The following PAMR1 variants were observed in gnomAD, a reference collection of about 807,000 sequenced individuals.
PAMR1 encodes the protein inactive serine protease PAMR1.
Under a neutral mutation model 81.8 loss-of-function variants are expected in PAMR1, and 88 were observed. That is an observed-to-expected ratio of 1.08 (90% confidence interval 0.91 to 1.28). The LOEUF is 1.28. Among genes scored for constraint, PAMR1 ranks in the 50% most tolerant of loss-of-function variants. PAMR1 has a pLI of 0.00. For synonymous variants in PAMR1, 336 were observed against 345.3 expected, an observed-to-expected ratio of 0.97 and a Z score of 0.30; for missense variants, 935 against 919.7, an observed-to-expected ratio of 1.02 and a Z score of -0.21.
chr11:35,440,543 C>T (rs780277203), intron 7 of PAMR1, among the ~76,000 whole-genome samples: 3 of 152,072 alleles, frequency 2.0e-5, no homozygotes, highest in East Asian at 1.9e-4. Context: ...GACAATTATC[C>T]GGATAATCTA....
chr11:35,445,124 T>C (rs939108681), intron 6 of PAMR1, among the ~76,000 whole-genome samples: 4 of 152,230 alleles, frequency 2.6e-5, no homozygotes, highest in Non-Finnish European at 5.9e-5. Context: ...AGTTCATTCA[T>C]GATTTGACTC....
intron 3 of PAMR1, among the ~76,000 whole-genome samples, chr11:35,477,497 T>C (rs977763745): frequency 6.6e-6 from 1 of 152,226 alleles, no homozygotes; most frequent in Admixed American, 6.5e-5. Context: ...GACTGCAGAA[T>C]CTGACTGCCC....
Position 35,432,692 on chromosome 11 carries a change from G to T in PAMR1, c.1827C>A (p.Ser609Arg). Reference sequence around the variant, plus strand: ...GCAGTGTGTCGTTCTTGAAGCCAGGGCTCCTCACGTCTGCCAGGACATTCC... The same window carrying T: ...GCAGTGTGTCGTTCTTGAAGCCAGGTCTCCTCACGTCTGCCAGGACATTCC... ...AGWNVLADVR[S>R]PGFKNDTLRS... The change falls in exon 11 of 11, where the codon AGC (serine) becomes AGA (arginine). Residue 609 changes from serine to arginine, a missense_variant. Physicochemically the swap from Ser to Arg is moderately radical, Grantham distance 110. Coordinates refer to ENST00000619888, the MANE Select transcript of PAMR1 (RefSeq NM_001001991.3). 6.2e-7 allele frequency: 1 copy of T among 1,613,478 alleles called. No homozygotes were observed. The highest frequency in any genetic ancestry group is 8.5e-7 in the Non-Finnish European group (1 of 1,179,448).
chr11:35,452,979 G>A (rs908890033), intron 6 of PAMR1, among the ~76,000 whole-genome samples: 3 of 152,330 alleles, frequency 2.0e-5, no homozygotes, highest in East Asian at 1.9e-4. Flanking sequence ...CAGAGCAAGC[G>A]TATAGTAGGT....
chr11:35,456,854 TACAC>T (rs1856543724), intron 6 of PAMR1, among the ~76,000 whole-genome samples: 2 of 152,192 alleles, frequency 1.3e-5, no homozygotes, highest in Non-Finnish European at 2.9e-5. Context: ...AACTTGCTCT[TACAC>T]ACAGAGAAGA....
At chr11:35,482,083 T>C (rs150487973) in intron 3 of PAMR1, among the ~76,000 whole-genome samples, 5,584 of 152,344 alleles carry the variant, frequency 0.037, 163 homozygotes, top group Middle Eastern at 0.058. Flanking sequence ...CAATTGCTTT[T>C]GGCATTTTCG....
intron 3 of PAMR1, among the ~76,000 whole-genome samples, chr11:35,481,900 A>T (rs557920715): frequency 9.3e-4 from 141 of 152,016 alleles, no homozygotes; most frequent in Non-Finnish European, 1.7e-3. Context: ...TTTTCTTGTA[A>T]ATTTGTTTAA....
At chr11:35,458,313 C>T (rs1856576798) in intron 6 of PAMR1, among the ~76,000 whole-genome samples, 1 of 152,070 alleles carries the variant, frequency 6.6e-6, no homozygotes, top group Non-Finnish European at 1.5e-5. Context: ...ATCTAATGCT[C>T]TATTTTTTTA....
intron 9 of PAMR1, 116 bp from the exon 10 acceptor site, chr11:35,434,920 C>T (rs969891984): frequency 1.1e-6 from 1 of 928,034 alleles, no homozygotes; most frequent in East Asian, 2.5e-5. Context: ...GGCATGATGA[C>T]CACTAAGATA....
intron 7 of PAMR1, 50 bp from the exon 8 acceptor site, chr11:35,439,743 T>C: frequency 6.7e-7 from 1 of 1,482,544 alleles, no homozygotes; most frequent in Non-Finnish European, 9.4e-7. Context: ...TATTCACTGT[T>C]CATATCATTC....
intron 1 of PAMR1, among the ~76,000 whole-genome samples, chr11:35,509,563 G>A (rs1051008466): frequency 6.6e-6 from 1 of 152,088 alleles, no homozygotes; most frequent in African/African-American, 2.4e-5. Flanking sequence ...AATTCTTAAT[G>A]CAATTTAATC....
At chr11:35,467,610 A>G (rs1856780201) in intron 6 of PAMR1, among the ~76,000 whole-genome samples, 1 of 152,252 alleles carries the variant, frequency 6.6e-6, no homozygotes. Flanking sequence ...GCAATAAGTC[A>G]CATTGGAGCC....
chr11:35,432,555 G>C lies in PAMR1; in HGVS notation c.1964C>G (p.Thr655Ser). 1.2e-6 allele frequency: 2 copies of C among 1,614,270 alleles called. No homozygotes were observed. Among genetic ancestry groups the C allele is most frequent in the African/African-American group, 1.3e-5 (1 of 75,076 alleles). ...DNMFCASWEP[T>S]APSDICTAET... The stretch of plus-strand genomic sequence containing the variant: ...TGCAGTGCAGATATCAGAAGGGGCA[G>C]TGGGTTCCCAGCTGGCACAGAACAT... Residue 655 changes from threonine (T) to serine (S), a missense_variant, in exon 11 of 11, where the codon ACT becomes AGT. Thr to Ser is a moderately conservative substitution (Grantham distance 58). Transcript: ENST00000619888.
At chr11:35,451,370 C>A (rs1856415449) in intron 6 of PAMR1, among the ~76,000 whole-genome samples, 1 of 152,346 alleles carries the variant, frequency 6.6e-6, no homozygotes, top group Admixed American at 6.5e-5. Context: ...TCAGGACATA[C>A]AAACACCTCT....
upstream of PAMR1, among the ~76,000 whole-genome samples, chr11:35,527,187 G>A (rs1851408372): frequency 6.6e-6 from 1 of 152,144 alleles, no homozygotes; most frequent in Non-Finnish European, 1.5e-5. Flanking sequence ...CAAGAACTCA[G>A]CAGGCCTGTG....
chr11:35,476,900 G>A (rs61174188), intron 3 of PAMR1, among the ~76,000 whole-genome samples: 2,992 of 151,748 alleles, frequency 0.02, 99 homozygotes, highest in African/African-American at 0.069. Context: ...GCCCAACTCC[G>A]GCCCTTGTAC....
At chr11:35,437,467 C>T (rs1420177716) in intron 8 of PAMR1, among the ~76,000 whole-genome samples, 1 of 152,194 alleles carries the variant, frequency 6.6e-6, no homozygotes, top group Non-Finnish European at 1.5e-5. Context: ...TGGTTTCATT[C>T]AACAAATCTT....
At chr11:35,470,328 C>T (rs1226228982) in intron 5 of PAMR1, among the ~76,000 whole-genome samples, 1 of 152,182 alleles carries the variant, frequency 6.6e-6, no homozygotes, top group Admixed American at 6.5e-5. Context: ...CTAGTTCTGC[C>T]CCTATATCTG....
At chr11:35,439,377 C>T (rs1331591135) in intron 8 of PAMR1, among the ~76,000 whole-genome samples, 1 of 152,228 alleles carries the variant, frequency 6.6e-6, no homozygotes, top group Non-Finnish European at 1.5e-5. Flanking sequence ...GTCTTGCTTT[C>T]CACCGGTCAT....
Sources: gnomAD v4.1 joint callset for allele counts (sites outside exome capture counted in the v4.1 genomes callset) on GRCh38, gnomAD v4.1.1 for gene constraint, MANE v1.5 for transcripts, NCBI Gene and HGNC (gene_info 2026-07-23, HGNC 2026-07-21) for gene names.